CDH12: variants seen among roughly 807,000 people sequenced by gnomAD.
CDH12 encodes cadherin-12.
Under a neutral mutation model 74.1 loss-of-function variants are expected in CDH12, and 41 were observed. The ratio of observed to expected loss-of-function variants is 0.55; its 90% CI spans 0.43 to 0.72. The LOEUF is 0.72. CDH12 is among the 30% of genes least tolerant of loss of function. The pLI, the probability that CDH12 is intolerant of heterozygous loss-of-function variation, is 0.00. For synonymous variants in CDH12, 399 were observed against 355.0 expected (o/e 1.12, Z -1.39); for missense variants, 945 against 977.2 (o/e 0.97, Z 0.44).
intron 3 of CDH12, among the ~76,000 whole-genome samples, chr5:22,333,710 G>A (rs978164006): frequency 8.5e-5 from 13 of 152,202 alleles, no homozygotes; most frequent in South Asian, 4.1e-4. Context: ...TATTTTTAAC[G>A]AATATTGATA....
chr5:22,150,395 T>C (rs923980065), intron 4 of CDH12, among the ~76,000 whole-genome samples: 4 of 152,116 alleles, frequency 2.6e-5, no homozygotes, highest in South Asian at 4.1e-4. Flanking sequence ...AATATCCTTA[T>C]GGTTTTGCAG....
At position 22,745,275 on chromosome 5, in the gene CDH12, GA is replaced by G. The variant is rs142321258; in HGVS notation, c.-523+107782del. ...AACTAACAAATAAGCATTCCATTGA[GA>G]TTTTTTTTTAATTAAATTGCATTAA... On this transcript the variant is annotated intron_variant, in intron 1 of 14. Coordinates refer to ENST00000382254, the MANE Select transcript of CDH12 (RefSeq NM_004061.5). 5.6e-3 allele frequency among the ~76,000 whole-genome samples: 835 copies of G among 148,904 alleles called. 9 individuals are homozygous for G. Among genetic ancestry groups the G allele is most frequent in the African/African-American group, 0.019 (786 of 40,662 alleles).
chr5:21,761,921 A>G (rs926945604), intron 12 of CDH12, among the ~76,000 whole-genome samples: 1 of 152,128 alleles, frequency 6.6e-6, no homozygotes, highest in African/African-American at 2.4e-5. Flanking sequence ...TTTAAGCTTT[A>G]AAATTGTCCT....
intron 6 of CDH12, among the ~76,000 whole-genome samples, chr5:21,907,862 T>C (rs192559910): frequency 6.6e-6 from 1 of 152,316 alleles, no homozygotes; most frequent in African/African-American, 2.4e-5. Flanking sequence ...CTCCTCACTG[T>C]ACCTCAATTT....
intron 4 of CDH12, among the ~76,000 whole-genome samples, chr5:22,115,771 A>C (rs1313772900): frequency 6.8e-6 from 1 of 147,958 alleles, no homozygotes; most frequent in Admixed American, 6.9e-5. Context: ...GGCTCACTGA[A>C]ACCTCTGCCT....
At chr5:22,694,782 C>T (rs1244237311) in intron 1 of CDH12, among the ~76,000 whole-genome samples, 1 of 147,558 alleles carries the variant, frequency 6.8e-6, no homozygotes, top group Non-Finnish European at 1.5e-5. Context: ...TATATATATA[C>T]ACACACACAT....
chr5:22,713,195 CA>C (rs1292393256), intron 1 of CDH12, among the ~76,000 whole-genome samples: 19 of 121,694 alleles, frequency 1.6e-4, no homozygotes, highest in Admixed American at 4.6e-4. Flanking sequence ...ATCTGGAGTG[CA>C]GTGGTACGAT....
At chr5:22,708,580 A>G (rs893151316) in intron 1 of CDH12, among the ~76,000 whole-genome samples, 3 of 152,140 alleles carry the variant, frequency 2.0e-5, no homozygotes, top group Non-Finnish European at 2.9e-5. Context: ...AAAGCAGGAC[A>G]ATTTTCAAAC....
intron 2 of CDH12, among the ~76,000 whole-genome samples, chr5:22,443,062 A>C (rs1265043864): frequency 1.3e-5 from 2 of 152,110 alleles, no homozygotes; most frequent in African/African-American, 4.8e-5. Flanking sequence ...GGATTCCTGC[A>C]CTCTGTTGAA....
chr5:21,798,804 A>G (rs1319683988), intron 10 of CDH12, among the ~76,000 whole-genome samples: 5 of 152,148 alleles, frequency 3.3e-5, no homozygotes, highest in Admixed American at 3.3e-4. Flanking sequence ...CAAGAGACAT[A>G]TATGTTTTTT....
chr5:21,850,991 T>C (rs966205518), intron 7 of CDH12, among the ~76,000 whole-genome samples: 1 of 151,374 alleles, frequency 6.6e-6, no homozygotes, highest in Non-Finnish European at 1.5e-5. Flanking sequence ...ACATACTTAA[T>C]GCAACTGAAT....
intron 4 of CDH12, among the ~76,000 whole-genome samples, chr5:22,091,006 C>T (rs1291527008): frequency 6.6e-6 from 1 of 151,692 alleles, no homozygotes. Flanking sequence ...TGTTTTCTCT[C>T]CAAGAACACA....
chr5:22,751,168 C>T (rs1358803969), intron 1 of CDH12, among the ~76,000 whole-genome samples: 2 of 151,380 alleles, frequency 1.3e-5, no homozygotes, highest in African/African-American at 2.4e-5. Flanking sequence ...GGAAAAGTAA[C>T]GTTTGGGTAA....
At chr5:21,762,164 T>C (rs1182972247) in intron 12 of CDH12, among the ~76,000 whole-genome samples, 6 of 152,096 alleles carry the variant, frequency 3.9e-5, no homozygotes, top group African/African-American at 1.2e-4. Flanking sequence ...CTAAATTAAA[T>C]GTATAACATC....
intron 2 of CDH12, among the ~76,000 whole-genome samples, chr5:22,432,666 C>T (rs896432757): frequency 2.0e-5 from 3 of 152,010 alleles, no homozygotes; most frequent in Non-Finnish European, 4.4e-5. Context: ...CTTTAGAAGA[C>T]TCTTCTGAAG....
At chr5:22,317,122 A>G (rs1227195842) in intron 3 of CDH12, among the ~76,000 whole-genome samples, 1 of 152,152 alleles carries the variant, frequency 6.6e-6, no homozygotes, top group Admixed American at 6.6e-5. Flanking sequence ...GTTCGAGACC[A>G]GCCTGGCCAA....
At chr5:22,610,375 T>C (rs1476061100) in intron 1 of CDH12, among the ~76,000 whole-genome samples, 1 of 152,178 alleles carries the variant, frequency 6.6e-6, no homozygotes, top group Non-Finnish European at 1.5e-5. Flanking sequence ...TTTAGCAGAT[T>C]TCTGCATTAA....
At chr5:22,237,131 T>C (rs1752586968) in intron 3 of CDH12, among the ~76,000 whole-genome samples, 1 of 152,136 alleles carries the variant, frequency 6.6e-6, no homozygotes, top group Non-Finnish European at 1.5e-5. Flanking sequence ...TTAGTTTGTT[T>C]ACACCAGCAG....
At chr5:21,822,075 CT>C (rs2149953067) in intron 8 of CDH12, among the ~76,000 whole-genome samples, 1 of 152,056 alleles carries the variant, frequency 6.6e-6, no homozygotes, top group East Asian at 1.9e-4. Context: ...AAACATCCCT[CT>C]TTTCCTGATC....
Sources: gnomAD v4.1 joint callset for allele counts (sites outside exome capture counted in the v4.1 genomes callset) on GRCh38, gnomAD v4.1.1 for gene constraint, MANE v1.5 for transcripts, NCBI Gene and HGNC (gene_info 2026-07-23, HGNC 2026-07-21) for gene names.